CCDC7: variants seen among roughly 807,000 people sequenced by gnomAD.
CCDC7 encodes coiled-coil domain containing 7.
A neutral mutation model predicts 196.9 loss-of-function variants in CCDC7; 183 were observed. The ratio of observed to expected loss-of-function variants is 0.93; its 90% CI spans 0.82 to 1.05. The LOEUF (loss-of-function observed/expected upper bound fraction) is 1.05. Among genes scored for constraint, CCDC7 ranks in the 50% least tolerant of loss-of-function variants. CCDC7 has a pLI of 0.00. For synonymous variants in CCDC7, 525 were observed against 484.6 expected (o/e 1.08, Z -1.10); for missense variants, 1,540 against 1,482.2 (o/e 1.04, Z -0.64).
intron 24 of CCDC7, among the ~76,000 whole-genome samples, chr10:32,703,947 G>T (rs577299696): frequency 2.5e-4 from 38 of 151,962 alleles, no homozygotes; most frequent in South Asian, 8.3e-4. Context: ...TAACTTCTTT[G>T]CCATGGGTTA....
chr10:32,453,560 A>G (rs374031076), intron 2 of CCDC7, 124 bp downstream of exon 3: 4 of 630,282 alleles, frequency 6.3e-6, no homozygotes, highest in Non-Finnish European at 9.0e-6. Flanking sequence ...TGAATTTCCC[A>G]TCCATGAAAA....
intron 21 of CCDC7, among the ~76,000 whole-genome samples, chr10:32,668,538 T>C (rs2073335883): frequency 1.3e-5 from 2 of 152,160 alleles, no homozygotes; most frequent in African/African-American, 2.4e-5. Context: ...TTTTGAGATA[T>C]GTCCCATCAA....
At chr10:32,506,453 GC>G (rs1374603914) in intron 9 of CCDC7, among the ~76,000 whole-genome samples, 1 of 152,246 alleles carries the variant, frequency 6.6e-6, no homozygotes, top group Non-Finnish European at 1.5e-5. Context: ...AGACGGGGTG[GC>G]AGGCGGGCAG....
At chr10:32,462,068 A>G (rs2035861463) in intron 3 of CCDC7, among the ~76,000 whole-genome samples, 1 of 151,908 alleles carries the variant, frequency 6.6e-6, no homozygotes, top group Non-Finnish European at 1.5e-5. Context: ...CACCCCACCC[A>G]GCCTCCTTAC....
chr10:32,867,374 TATC>T (rs1376930569), intron 41 of CCDC7, among the ~76,000 whole-genome samples: 2 of 151,596 alleles, frequency 1.3e-5, no homozygotes, highest in East Asian at 1.9e-4. Context: ...ATTAAATATT[TATC>T]ATGTTTATAA....
chr10:32,579,418 A>G (rs1037664020), intron 16 of CCDC7, among the ~76,000 whole-genome samples: 1 of 152,184 alleles, frequency 6.6e-6, no homozygotes, highest in Non-Finnish European at 1.5e-5. Context: ...TAATTATCCA[A>G]CTAATATGGC....
chr10:32,825,340 G>A (rs2090951058), intron 32 of CCDC7, among the ~76,000 whole-genome samples: 1 of 152,200 alleles, frequency 6.6e-6, no homozygotes, highest in Admixed American at 6.5e-5. Context: ...GGGAAAGGCA[G>A]ACACATCCTT....
chr10:32,874,025 C>G (rs1246701961), intron 41 of CCDC7, among the ~76,000 whole-genome samples: 1 of 151,486 alleles, frequency 6.6e-6, no homozygotes, highest in East Asian at 1.9e-4. Context: ...ATTAAAATCA[C>G]TTTTCCTTCA....
intron 28 of CCDC7, among the ~76,000 whole-genome samples, chr10:32,778,537 A>G (rs1465740574): frequency 6.6e-6 from 1 of 152,156 alleles, no homozygotes; most frequent in Non-Finnish European, 1.5e-5. Context: ...CAGTTGGTCT[A>G]TGTGTCTGTT....
exon 32 of CCDC7, chr10:32,824,585 A>G: frequency 1.9e-6 from 3 of 1,610,242 alleles, no homozygotes; most frequent in South Asian, 2.2e-5. Context: ...AGACGCAGTT[A>G]AAGAGAAAGA....
At chr10:32,654,827 C>T (rs572126104) in intron 20 of CCDC7, among the ~76,000 whole-genome samples, 11 of 152,170 alleles carry the variant, frequency 7.2e-5, no homozygotes, top group Non-Finnish European at 1.0e-4. Context: ...TGTGTTTTGT[C>T]TATTAGATTC....
At chr10:32,851,218 T>C (rs1322980533) in intron 39 of CCDC7, among the ~76,000 whole-genome samples, 3 of 152,216 alleles carry the variant, frequency 2.0e-5, no homozygotes, top group Non-Finnish European at 2.9e-5. Flanking sequence ...GCTATAAACT[T>C]TCCTCTTAGG....
Position 32,500,491 on chromosome 10 carries a change from C to T in CCDC7, c.872+8494C>T, listed in dbSNP as rs191491184. On this transcript the variant is annotated intron_variant, in intron 9 of 41. Coordinates refer to ENST00000639629, the Ensembl canonical transcript of CCDC7. ...TGCTCCCCACATCCCAGACGATGGG[C>T]GGCGGGGCAGAGACGCTCCTCACTT... Among the ~76,000 whole-genome samples the T allele has an allele frequency of 4.1e-3, 616 of 151,484 alleles. 10 individuals carry two copies. The highest frequency in any genetic ancestry group is 0.026 in the Admixed American group (390 of 15,232).
exon 1 of CCDC7, chr10:32,446,195 G>A (rs1198611031): frequency 6.6e-6 from 1 of 152,222 alleles, no homozygotes. Context: ...TGCCGCCCGG[G>A]GGCGCAGAGG....
At chr10:32,469,600 T>C (rs1335318690) in intron 5 of CCDC7, among the ~76,000 whole-genome samples, 2 of 151,870 alleles carry the variant, frequency 1.3e-5, no homozygotes, top group Non-Finnish European at 2.9e-5. Context: ...TTCACAAGGG[T>C]GATATGTTGG....
intron 18 of CCDC7, among the ~76,000 whole-genome samples, chr10:32,591,921 A>G (rs1467477146): frequency 1.3e-5 from 2 of 152,170 alleles, no homozygotes; most frequent in Non-Finnish European, 2.9e-5. Context: ...TGTGAGCGAC[A>G]TGGTACCTAA....
At chr10:32,836,600 T>C (rs1208778047) in intron 33 of CCDC7, among the ~76,000 whole-genome samples, 1 of 152,314 alleles carries the variant, frequency 6.6e-6, no homozygotes, top group African/African-American at 2.4e-5. Flanking sequence ...TGGTATCTCA[T>C]TGTGGTTTTG....
At chr10:32,779,860 G>C (rs1415776686) in intron 29 of CCDC7, among the ~76,000 whole-genome samples, 1 of 152,192 alleles carries the variant, frequency 6.6e-6, no homozygotes, top group African/African-American at 2.4e-5. Flanking sequence ...TTGTGAAACT[G>C]TCAAAGGAGT....
intron 22 of CCDC7, 98 bp downstream of exon 23, chr10:32,686,178 T>C (rs1043581352): frequency 2.5e-5 from 15 of 602,172 alleles, no homozygotes; most frequent in African/African-American, 1.5e-4. Context: ...ACAGAAATTT[T>C]ACCTTGAACC....
Sources: allele counts gnomAD v4.1 joint callset (sites outside exome capture counted in the v4.1 genomes callset), GRCh38; gene constraint gnomAD v4.1.1; transcripts MANE v1.5; gene names NCBI Gene and HGNC (gene_info 2026-07-23, HGNC 2026-07-21).